The following DMXL2 variants were observed in gnomAD, a reference collection of about 807,000 sequenced individuals.
The protein encoded by DMXL2 is Dmx like 2, also known as dmX-like protein 2.
In DMXL2, 103 loss-of-function variants were observed where a neutral mutation model predicts 331.1. The ratio of observed to expected loss-of-function variants is 0.31; its 90% CI spans 0.27 to 0.37. DMXL2 has a LOEUF of 0.37. Ranked by LOEUF, DMXL2 falls within the 10% of genes least tolerant of loss-of-function variation. DMXL2 has a pLI of 1.00. For missense variants in DMXL2, 3,171 were observed against 3,642.9 expected, an observed-to-expected ratio of 0.87 and a Z score of 3.33; for synonymous variants, 1,281 against 1,252.1, an observed-to-expected ratio of 1.02 and a Z score of -0.49.
intron 13 of DMXL2, among the ~76,000 whole-genome samples, chr15:51,518,556 C>T (rs1256029010): frequency 1.3e-5 from 2 of 152,112 alleles, no homozygotes; most frequent in Non-Finnish European, 2.9e-5. Context: ...TTTAATGAGA[C>T]TTCCATAGGA....
intron 1 of DMXL2, among the ~76,000 whole-genome samples, chr15:51,581,233 A>G (rs2051392491): frequency 6.6e-6 from 1 of 152,196 alleles, no homozygotes; most frequent in South Asian, 2.1e-4. Flanking sequence ...TAAACTGCAC[A>G]TGCTAGGGAT....
intron 9 of DMXL2, among the ~76,000 whole-genome samples, chr15:51,541,895 G>C (rs564039872): frequency 4.6e-5 from 7 of 152,186 alleles, no homozygotes; most frequent in Non-Finnish European, 1.0e-4. Flanking sequence ...CCTTAGTATA[G>C]GACAAGAAAG....
In DMXL2 at chr15:51,622,685, C is replaced by G. The variant is rs1002182294; in HGVS notation, c.-140G>C. ...GGAGGCTCTGGCTTAACTCCTCGCCCCCCTTTCGCCTTCCCTCCGCCTCGT... is the reference window on the plus strand; with the variant it reads ...GGAGGCTCTGGCTTAACTCCTCGCCGCCCTTTCGCCTTCCCTCCGCCTCGT... On this transcript the variant is annotated 5_prime_UTR_variant, in exon 1 of 44. Transcript: ENST00000560891. 2.1e-5 allele frequency: 30 copies of G among 1,410,804 alleles called. No individual in the cohort carries two copies. Among genetic ancestry groups the G allele is most frequent in the Non-Finnish European group, 2.8e-5 (30 of 1,075,054 alleles). The allele number at this position is 1,410,804 out of a possible 1,614,324, so 87.4% of individuals were successfully genotyped here.
intron 1 of DMXL2, among the ~76,000 whole-genome samples, chr15:51,602,871 T>A (rs910300705): frequency 1.3e-5 from 2 of 152,186 alleles, no homozygotes; most frequent in African/African-American, 4.8e-5. Context: ...CAGAGTCGCA[T>A]AACGTAATAT....
intron 1 of DMXL2, among the ~76,000 whole-genome samples, chr15:51,611,052 C>T (rs1163595913): frequency 6.6e-6 from 1 of 151,458 alleles, no homozygotes; most frequent in African/African-American, 2.4e-5. Flanking sequence ...ATGAGCTAAG[C>T]ATTTAGCTCA....
intron 23 of DMXL2, among the ~76,000 whole-genome samples, chr15:51,483,918 C>T (rs1359162841): frequency 1.3e-5 from 2 of 151,154 alleles, no homozygotes; most frequent in Non-Finnish European, 3.0e-5. Context: ...GAAATAGCCC[C>T]ATGAGCCCCT....
At chr15:51,469,032 G>C (rs916983556) in intron 29 of DMXL2, among the ~76,000 whole-genome samples, 1 of 151,970 alleles carries the variant, frequency 6.6e-6, no homozygotes, top group African/African-American at 2.4e-5. Flanking sequence ...CACTTGCAAG[G>C]TATGAATCAT....
chr15:51,460,209 T>C (rs1238331178), intron 33 of DMXL2: 1 of 985,732 alleles, frequency 1.0e-6, no homozygotes, highest in Non-Finnish European at 1.2e-6. Flanking sequence ...GTCCTAAGGA[T>C]GGCTGCAATC....
At chr15:51,581,282 A>C (rs1216892650) in intron 1 of DMXL2, among the ~76,000 whole-genome samples, 1 of 152,206 alleles carries the variant, frequency 6.6e-6, no homozygotes, top group African/African-American at 2.4e-5. Flanking sequence ...AATGATAAAC[A>C]TAATGTGCTT....
intron 13 of DMXL2, among the ~76,000 whole-genome samples, chr15:51,534,392 C>T (rs141089541): frequency 9.2e-5 from 14 of 152,264 alleles, no homozygotes; most frequent in South Asian, 4.1e-4. Context: ...TACTCTCATA[C>T]GCAAGAAATA....
At chr15:51,488,757 G>C (rs2042583448) in intron 20 of DMXL2, 112 bp from the exon 21 acceptor site, 1 of 908,176 alleles carries the variant, frequency 1.1e-6, no homozygotes, top group Admixed American at 2.8e-5. Flanking sequence ...TGTGGAGACA[G>C]AAAAAGTTGG....
intron 1 of DMXL2, among the ~76,000 whole-genome samples, chr15:51,589,399 C>T (rs1481550389): frequency 2.0e-5 from 3 of 152,208 alleles, no homozygotes; most frequent in East Asian, 3.8e-4. Context: ...AATTGCTCTT[C>T]CTTGATGGTT....
At chr15:51,506,843 A>G (rs56127635) in intron 16 of DMXL2, among the ~76,000 whole-genome samples, 1 of 152,294 alleles carries the variant, frequency 6.6e-6, no homozygotes, top group South Asian at 2.1e-4. Context: ...TATTAGTTCT[A>G]TGGACATCTA....
At chr15:51,449,775 C>T (rs1018583569) in intron 43 of DMXL2, among the ~76,000 whole-genome samples, 6 of 152,142 alleles carry the variant, frequency 3.9e-5, no homozygotes, top group Non-Finnish European at 5.9e-5. Flanking sequence ...TTACTGGAAA[C>T]GTCACCTCCA....
Position 51,474,536 on chromosome 15 carries a change from G to A in DMXL2, c.7021C>T (p.Leu2341=). The part of the protein sequence containing the change: ...SSAQDEDQPK[L]NILLCEAVVA... The stretch of plus-strand genomic sequence containing the variant: ...ACAGCTTCACATAGCAAAATGTTCA[G>A]TTTTGGCTGGTCTTCATCTTGGGCT... The change falls in exon 28 of 44, where the codon CTG becomes TTG. Residue 2341 remains leucine, a synonymous_variant. Transcript: ENST00000560891. 6.2e-7 allele frequency: 1 copy of A among 1,614,078 alleles called. No homozygotes were observed. Among genetic ancestry groups the A allele is most frequent in the Non-Finnish European group, 8.5e-7 (1 of 1,179,982 alleles).
intron 6 of DMXL2, among the ~76,000 whole-genome samples, chr15:51,563,094 T>C (rs2050069300): frequency 6.6e-6 from 1 of 151,642 alleles, no homozygotes; most frequent in Non-Finnish European, 1.5e-5. Flanking sequence ...ATTTTACTTT[T>C]TAAGTTATGT....
intron 23 of DMXL2, among the ~76,000 whole-genome samples, chr15:51,482,920 G>A (rs1038142279): frequency 1.3e-5 from 2 of 152,204 alleles, no homozygotes; most frequent in Non-Finnish European, 2.9e-5. Context: ...CTAGAGTGCA[G>A]CAGGGGAGTG....
Position 51,464,854 on chromosome 15 carries a change from T to C in DMXL2, c.7629A>G (p.Leu2543=). Residue 2543 remains leucine, a synonymous_variant, in exon 32 of 44, where the codon TTA becomes TTG. Coordinates refer to ENST00000560891, the MANE Select transcript of DMXL2 (RefSeq NM_001378457.1). Reference sequence around the variant, plus strand: ...CCAAGTTTTTAATCACAGCAATACCTAATGGTGATGTTACAGGCAGCTCTA... The same window carrying C: ...CCAAGTTTTTAATCACAGCAATACCCAATGGTGATGTTACAGGCAGCTCTA... The part of the protein sequence containing the change: ...EFSELPVTSP[L]GIAVIKNLEN... 6.2e-7 allele frequency: 1 copy of C among 1,613,926 alleles called. No homozygotes were observed. Among genetic ancestry groups the C allele is most frequent in the Non-Finnish European group, 8.5e-7 (1 of 1,179,864 alleles).
intron 3 of DMXL2, chr15:51,568,245 G>C (rs900816856): frequency 2.6e-6 from 1 of 382,338 alleles, no homozygotes; most frequent in African/African-American, 2.1e-5. Flanking sequence ...GTTCAAACTA[G>C]GGTAGATCTC....
Sources: allele counts gnomAD v4.1 joint callset (sites outside exome capture counted in the v4.1 genomes callset), GRCh38; gene constraint gnomAD v4.1.1; transcripts MANE v1.5; gene names NCBI Gene and HGNC (gene_info 2026-07-23, HGNC 2026-07-21).